KANSL2: variants seen among roughly 807,000 people sequenced by gnomAD.
KANSL2 encodes the protein KAT8 regulatory NSL complex subunit 2, also known as NSL complex protein NSL2.
In KANSL2, 34 loss-of-function variants were observed where a neutral mutation model predicts 55.6. The observed-to-expected ratio is 0.61, with a 90% CI of 0.46 to 0.81. The LOEUF (loss-of-function observed/expected upper bound fraction) is 0.81. KANSL2 is among the 40% of genes least tolerant of loss of function. The pLI is 0.00. For missense variants in KANSL2, 502 were observed against 609.9 expected (o/e 0.82, Z 1.86); for synonymous variants, 209 against 214.3 (o/e 0.98, Z 0.22).
intron 1 of KANSL2, chr12:48,681,907 C>A (rs762238668): frequency 1.4e-6 from 1 of 703,618 alleles, no homozygotes; most frequent in South Asian, 1.5e-5. Flanking sequence ...CGAAGGGAAG[C>A]GACAACACCA....
intron 5 of KANSL2, among the ~76,000 whole-genome samples, 177 bp from the exon 6 acceptor site, chr12:48,669,449 C>T (rs550301535): frequency 6.6e-6 from 1 of 152,276 alleles, no homozygotes; most frequent in East Asian, 1.9e-4. Flanking sequence ...CACTATATAA[C>T]CACTTTTTAA....
At chr12:48,657,157 C>T (rs1199534647) in intron 8 of KANSL2, among the ~76,000 whole-genome samples, 7 of 152,170 alleles carry the variant, frequency 4.6e-5, no homozygotes, top group Middle Eastern at 6.8e-3. Flanking sequence ...CCAAGGTGGG[C>T]GGATCATGAG....
At chr12:48,672,433 A>ATATTTTTTT in intron 4 of KANSL2, among the ~76,000 whole-genome samples, 1 of 120,380 alleles carries the variant, frequency 8.3e-6, no homozygotes, top group African/African-American at 3.6e-5. Context: ...ATATATATAT[A>ATATTTTTTT]TTTTTTTTTT....
Position 48,679,690 on chromosome 12 carries a change from G to T in KANSL2, c.395C>A (p.Pro132Gln), listed in dbSNP as rs777830656. 6.2e-7 allele frequency: 1 copy of T among 1,613,644 alleles called. No individual in the cohort carries two copies. The highest frequency in any genetic ancestry group is 2.2e-5 in the East Asian group (1 of 44,874). Residue 132 changes from proline to glutamine, a missense_variant, in exon 3 of 10, where the codon CCA becomes CAA. Transcript: ENST00000420613. ...YAKTELGSQT[P>Q]ESSRSEASRI... Reference sequence around the variant, plus strand: ...GCTGGCTTCACTGCGACTACTTTCTGGAGTCTGAGACCCCAGCTCTGTCTT... The same window carrying T: ...GCTGGCTTCACTGCGACTACTTTCTTGAGTCTGAGACCCCAGCTCTGTCTT...
chr12:48,663,747 G>A (rs1036492613), intron 7 of KANSL2, among the ~76,000 whole-genome samples: 7 of 151,774 alleles, frequency 4.6e-5, no homozygotes, highest in Non-Finnish European at 7.4e-5. Flanking sequence ...TTGTTGATAA[G>A]GCTTCTGATC....
chr12:48,669,705 T>C (rs1342869570), intron 5 of KANSL2, among the ~76,000 whole-genome samples: 1 of 151,884 alleles, frequency 6.6e-6, no homozygotes, highest in African/African-American at 2.4e-5. Context: ...GTATTTTTAG[T>C]AGAGACAGGG....
chr12:48,656,883 C>T, intron 8 of KANSL2: 1 of 387,126 alleles, frequency 2.6e-6, no homozygotes, highest in South Asian at 2.1e-5. Context: ...TTAAAAATAT[C>T]CAGGAGGTTT....
At chr12:48,671,413 T>G (rs1030036823) in intron 5 of KANSL2, among the ~76,000 whole-genome samples, 1 of 152,214 alleles carries the variant, frequency 6.6e-6, no homozygotes, top group Non-Finnish European at 1.5e-5. Flanking sequence ...AATAATGTGC[T>G]AGGCCTTCCC....
intron 8 of KANSL2, among the ~76,000 whole-genome samples, chr12:48,657,104 C>T (rs140959473): frequency 1.3e-5 from 2 of 152,066 alleles, no homozygotes; most frequent in South Asian, 2.1e-4. Flanking sequence ...CTGCTCAGGC[C>T]GGGTGCAGTG....
In KANSL2 at chr12:48,679,828, G is replaced by A. The variant is rs1939887316; in HGVS notation, c.257C>T (p.Ser86Phe). Reference sequence around the variant, plus strand: ...CCTACGGACATGTTCAGCACAGAAGGACACCCTGAAGAGACAAAACATTAA... The same window carrying A: ...CCTACGGACATGTTCAGCACAGAAGAACACCCTGAAGAGACAAAACATTAA... ...APKPEKKDGV[S>F]FCAEHVRRNA... Residue 86 changes from serine (S) to phenylalanine (F), a missense_variant, in exon 3 of 10, where the codon TCC becomes TTC. Ser to Phe is a radical substitution (Grantham distance 155). Coordinates refer to ENST00000420613, the MANE Select transcript of KANSL2 (RefSeq NM_017822.4). The A allele has an allele frequency of 1.3e-6, 2 of 1,599,648 alleles. No individual in the cohort carries two copies. The highest frequency in any genetic ancestry group is 1.1e-5 in the South Asian group (1 of 88,852).
chr12:48,664,878 GC>G (rs1939563245), intron 7 of KANSL2, among the ~76,000 whole-genome samples: 1 of 100,542 alleles, frequency 9.9e-6, no homozygotes, highest in Non-Finnish European at 2.4e-5. Context: ...CACTGCGCCC[GC>G]TTTTTTTTTT....
chr12:48,658,382 T>A (rs1261530249), intron 8 of KANSL2, among the ~76,000 whole-genome samples: 1 of 152,100 alleles, frequency 6.6e-6, no homozygotes, highest in Admixed American at 6.6e-5. Context: ...GGGAAAAGGA[T>A]CCTAAAATAA....
At chr12:48,668,140 AAATTTAAGAATGATCACTT>A (rs1376194924) in intron 6 of KANSL2, among the ~76,000 whole-genome samples, 9 of 152,352 alleles carry the variant, frequency 5.9e-5, no homozygotes, top group African/African-American at 2.2e-4. Flanking sequence ...TCTGAAAAAC[AAATTTAAGAATGATCACTT>A]AATTCTTCTT....
At position 48,681,566 on chromosome 12, in the gene KANSL2, G is replaced by C; in HGVS notation, c.67C>G (p.Gln23Glu). 1.2e-6 allele frequency: 2 copies of C among 1,614,012 alleles called. No individual in the cohort carries two copies. The highest frequency in any genetic ancestry group is 1.7e-6 in the Non-Finnish European group (2 of 1,179,900). Residue 23 changes from glutamine to glutamate, a missense_variant, in exon 2 of 10, where the codon CAG (glutamine) becomes GAG (glutamate). Coordinates refer to ENST00000420613, the MANE Select transcript of KANSL2 (RefSeq NM_017822.4). ...GTGAATGCACAAGACAGAGGTTCCT[G>C]AGACCTGGGCACTGGAGTGATCCTC... ...RGRITPVPRS[Q>E]EPLSCAFTHR... is the part of the protein sequence containing the mutation.
chr12:48,660,666 A>G (rs749853083), intron 7 of KANSL2, 47 bp from the exon 8 acceptor site: 1 of 1,567,322 alleles, frequency 6.4e-7, no homozygotes, highest in Non-Finnish European at 8.7e-7. Flanking sequence ...TATCGAAAGC[A>G]TAAAATACAA....
Position 48,672,433 on chromosome 12 carries a change from A to ATATATT in KANSL2, c.546-472_546-471insAATATA, listed in dbSNP as rs371918890. Among the ~76,000 whole-genome samples the ATATATT allele has an allele frequency of 1.1e-3, 132 of 120,358 alleles. 1 individual carries two copies. Among genetic ancestry groups the ATATATT allele is most frequent in the African/African-American group, 4.0e-3 (110 of 27,612 alleles). The allele number at this position is 120,358 out of a possible 152,430, so 79.0% of individuals were successfully genotyped here. On this transcript the variant is annotated intron_variant, in intron 4 of 9. Transcript: ENST00000420613. Reference sequence around the variant, plus strand: ...CGTATATATATATATATATATATATATTTTTTTTTTGAGATAAGGTCTCAC... The same window carrying ATATATT: ...CGTATATATATATATATATATATATATATATTTTTTTTTTTTGAGATAAGGTCTCAC...
chr12:48,678,918 T>C (rs940345401), intron 4 of KANSL2, 118 bp downstream of exon 4: 1 of 673,108 alleles, frequency 1.5e-6, no homozygotes, highest in Admixed American at 2.5e-5. Flanking sequence ...CAGAACCTCT[T>C]ACTGCTGACA....
intron 5 of KANSL2, among the ~76,000 whole-genome samples, chr12:48,669,830 C>T (rs1939676340): frequency 6.6e-6 from 1 of 151,790 alleles, no homozygotes; most frequent in African/African-American, 2.4e-5. Context: ...ATTCTTATTG[C>T]CTAGTGACAT....
At position 48,679,118 on chromosome 12, in the gene KANSL2, G is replaced by C. The variant is rs531067354; in HGVS notation, c.463C>G (p.Pro155Ala). 6.8e-6 allele frequency: 11 copies of C among 1,613,776 alleles called. No homozygotes were observed. In the South Asian group the frequency reaches 9.9e-5, roughly 14 times the overall value. The stretch of plus-strand genomic sequence containing the variant: ...CTCCATGTCTGATCCACAGTAATGG[G>C]TTCCTGCTCCCCATCACTCCAGCTG... ...EDSWSDGEQE[P>A]ITVDQTWRGD... Residue 155 changes from proline (P) to alanine (A), a missense_variant, in exon 4 of 10, where the codon CCC becomes GCC. By Grantham distance (27) the Pro-to-Ala change is conservative (BLOSUM62 -1). Coordinates refer to ENST00000420613, the MANE Select transcript of KANSL2 (RefSeq NM_017822.4).
Sources: gnomAD v4.1 joint callset for allele counts (sites outside exome capture counted in the v4.1 genomes callset) on GRCh38, gnomAD v4.1.1 for gene constraint, MANE v1.5 for transcripts, NCBI Gene and HGNC (gene_info 2026-07-23, HGNC 2026-07-21) for gene names.